Variants in NEK1 observed in about 807,000 individuals in gnomAD.
NEK1 encodes the protein NIMA related kinase 1.
Under a neutral mutation model 182.1 loss-of-function variants are expected in NEK1, and 137 were observed. The ratio of observed to expected loss-of-function variants is 0.75; its 90% CI spans 0.65 to 0.87. The LOEUF (loss-of-function observed/expected upper bound fraction) is 0.87. Among genes scored for constraint, NEK1 ranks in the 40% least tolerant of loss-of-function variants. The probability of loss-of-function intolerance (pLI) is 0.00; values close to 1 mark genes in which losing one functional copy is unlikely to be tolerated. For synonymous variants in NEK1, 513 were observed against 492.2 expected (o/e 1.04, Z -0.56); for missense variants, 1,391 against 1,494.4 (o/e 0.93, Z 1.14).
chr4:169,405,779 A>G (rs923661457), intron 32 of NEK1, among the ~76,000 whole-genome samples: 3 of 152,002 alleles, frequency 2.0e-5, no homozygotes, highest in Non-Finnish European at 2.9e-5. Context: ...GACTACCTAC[A>G]AGGCATGTGG....
intron 27 of NEK1, among the ~76,000 whole-genome samples, chr4:169,457,383 C>A (rs1743091129): frequency 6.6e-6 from 1 of 151,052 alleles, no homozygotes; most frequent in South Asian, 2.1e-4. Context: ...GAAAAAAGAG[C>A]AATTGACTGA....
chr4:169,452,310 G>A (rs901710433), intron 27 of NEK1, among the ~76,000 whole-genome samples: 11 of 152,086 alleles, frequency 7.2e-5, no homozygotes, highest in Non-Finnish European at 1.0e-4. Flanking sequence ...CCTCCCTAAC[G>A]CATTTTATGA....
rs191289339 is a variant in NEK1, at chr4:169,441,160, G to A, written c.2588-2901C>T. Among the ~76,000 whole-genome samples, 20 of 152,342 alleles carry A rather than the reference G, an allele frequency of 1.3e-4. No individual in the cohort carries two copies. The East Asian group carries it at 3.9e-3, about 29-fold the overall frequency. ...TGCCCCTGGGAAAAAGGGAGCTGAA[G>A]CATGTGCTCCCCAGAGCCTGGGAGC... On this transcript the variant is annotated intron_variant, in intron 27 of 35. Transcript: ENST00000507142.
intron 31 of NEK1, among the ~76,000 whole-genome samples, chr4:169,421,553 A>G (rs1028522795): frequency 6.6e-6 from 1 of 152,082 alleles, no homozygotes; most frequent in Non-Finnish European, 1.5e-5. Flanking sequence ...GTGAGTTCTC[A>G]TGAGATCTGA....
intron 23 of NEK1, among the ~76,000 whole-genome samples, chr4:169,500,559 T>C (rs1283402264): frequency 6.6e-6 from 1 of 152,114 alleles, no homozygotes; most frequent in Admixed American, 6.5e-5. Flanking sequence ...AACAATGGAT[T>C]TCTTAGCAGA....
chr4:169,533,444 C>T (rs942410803), intron 19 of NEK1, among the ~76,000 whole-genome samples: 2 of 152,150 alleles, frequency 1.3e-5, no homozygotes, highest in Non-Finnish European at 2.9e-5. Context: ...TGAGGAGTAC[C>T]AACACTATGA....
At chr4:169,599,305 A>G (rs1222133763) in intron 4 of NEK1, 108 bp from the exon 5 acceptor site, 18 of 709,844 alleles carry the variant, frequency 2.5e-5, no homozygotes, top group Non-Finnish European at 3.9e-5. Context: ...AACAAAAAAC[A>G]GGACCATACT....
intron 19 of NEK1, among the ~76,000 whole-genome samples, chr4:169,512,964 T>A (rs1297069075): frequency 1.3e-5 from 2 of 152,150 alleles, no homozygotes; most frequent in African/African-American, 4.8e-5. Flanking sequence ...TATGTGTCTA[T>A]CCCTTTGCCA....
intron 18 of NEK1, among the ~76,000 whole-genome samples, chr4:169,543,808 C>T (rs1759886869): frequency 6.6e-6 from 1 of 152,162 alleles, no homozygotes; most frequent in Non-Finnish European, 1.5e-5. Context: ...TATAGGGATG[C>T]TTGTGATTTT....
At chr4:169,426,078 A>AAAC in intron 30 of NEK1, 68 bp downstream of exon 30, 1 of 1,154,634 alleles carries the variant, frequency 8.7e-7, no homozygotes, top group Admixed American at 2.0e-5. Context: ...TACCCAAATA[A>AAAC]AACAGGTTGA....
At chr4:169,538,374 A>G (rs567483059) in intron 18 of NEK1, among the ~76,000 whole-genome samples, 6 of 152,182 alleles carry the variant, frequency 3.9e-5, no homozygotes, top group Non-Finnish European at 7.4e-5. Flanking sequence ...AAATACAGTA[A>G]AAAGCTATGT....
chr4:169,556,005 T>A lies in NEK1; in HGVS notation c.1357A>T (p.Met453Leu). The change falls in exon 17 of 36, where the codon ATG becomes TTG. Residue 453 changes from methionine to leucine, a missense_variant. Physicochemically the swap from Met to Leu is conservative, Grantham distance 15. Coordinates refer to ENST00000507142, the MANE Select transcript of NEK1 (RefSeq NM_001199397.3). ...YEHYHAIFDQ[M>L]QQQRAEDNEA... Reference sequence around the variant, plus strand: ...TTATCTTCTGCTCTTTGTTGCTGCATTTGGTCAAAAATGGCATGGTAATGT... The same window carrying A: ...TTATCTTCTGCTCTTTGTTGCTGCAATTGGTCAAAAATGGCATGGTAATGT... The A allele has an allele frequency of 6.2e-7, 1 of 1,613,786 alleles. No homozygotes were observed. Among genetic ancestry groups the A allele is most frequent in the Non-Finnish European group, 8.5e-7 (1 of 1,179,812 alleles).
chr4:169,436,855 T>C (rs1197252048), intron 28 of NEK1, among the ~76,000 whole-genome samples: 1 of 152,260 alleles, frequency 6.6e-6, no homozygotes, highest in Non-Finnish European at 1.5e-5. Context: ...AACAGCACTG[T>C]CTTACAGTAT....
At chr4:169,602,923 T>C (rs187397276) in intron 2 of NEK1, among the ~76,000 whole-genome samples, 1 of 152,158 alleles carries the variant, frequency 6.6e-6, no homozygotes, top group African/African-American at 2.4e-5. Context: ...AAATACTGCA[T>C]ATACTTAATG....
At chr4:169,547,864 A>G (rs1241793694) in intron 18 of NEK1, among the ~76,000 whole-genome samples, 1 of 152,080 alleles carries the variant, frequency 6.6e-6, no homozygotes, top group African/African-American at 2.4e-5. Flanking sequence ...CTAGTTAGCA[A>G]TTTGTCTAAC....
At chr4:169,434,603 T>G (rs1738057060) in intron 28 of NEK1, among the ~76,000 whole-genome samples, 1 of 152,216 alleles carries the variant, frequency 6.6e-6, no homozygotes, top group Non-Finnish European at 1.5e-5. Flanking sequence ...TGAACAGCGA[T>G]GAGGAGAGTA....
chr4:169,461,733 C>T (rs1259495301), intron 27 of NEK1, among the ~76,000 whole-genome samples: 1 of 152,092 alleles, frequency 6.6e-6, no homozygotes, highest in Non-Finnish European at 1.5e-5. Flanking sequence ...AGTTAATTAC[C>T]TAAATATCTC....
chr4:169,539,514 T>C (rs61651883), intron 18 of NEK1, among the ~76,000 whole-genome samples: 18,849 of 152,130 alleles, frequency 0.12, 1,308 homozygotes, highest in African/African-American at 0.17. Context: ...TCCCCATCTA[T>C]GTAAGGCTGG....
At chr4:169,545,017 T>C (rs1760144467) in intron 18 of NEK1, among the ~76,000 whole-genome samples, 1 of 151,916 alleles carries the variant, frequency 6.6e-6, no homozygotes, top group South Asian at 2.1e-4. Context: ...TCTTGTCTTC[T>C]AGCTTTTGAA....
Sources: gnomAD v4.1 joint callset for allele counts (sites outside exome capture counted in the v4.1 genomes callset) on GRCh38, gnomAD v4.1.1 for gene constraint, MANE v1.5 for transcripts, NCBI Gene and HGNC (gene_info 2026-07-23, HGNC 2026-07-21) for gene names.